ALMS1: variants seen among roughly 807,000 people sequenced by gnomAD.
The protein encoded by ALMS1 is ALMS1 centrosome and basal body associated protein.
A neutral mutation model predicts 352.2 loss-of-function variants in ALMS1; 271 were observed. The observed-to-expected ratio is 0.77, with a 90% CI of 0.70 to 0.85. ALMS1 has a LOEUF of 0.85. Among genes scored for constraint, ALMS1 ranks in the 40% least tolerant of loss-of-function variants. ALMS1 has a pLI of 0.00. For synonymous variants in ALMS1, 1,865 were observed against 1,761.2 expected, an observed-to-expected ratio of 1.06 and a Z score of -1.48; for missense variants, 5,445 against 4,870.7, an observed-to-expected ratio of 1.12 and a Z score of -3.51.
At chr2:73,590,585 C>T (rs1480773661) in intron 16 of ALMS1, among the ~76,000 whole-genome samples, 1 of 151,242 alleles carries the variant, frequency 6.6e-6, no homozygotes, top group Non-Finnish European at 1.5e-5. Flanking sequence ...TATCCTTTGC[C>T]TGTTTTTCTC....
chr2:73,398,299 A>G (rs955778037), intron 1 of ALMS1, among the ~76,000 whole-genome samples: 3 of 152,130 alleles, frequency 2.0e-5, no homozygotes, highest in African/African-American at 7.2e-5. Context: ...ATACATTTAT[A>G]TGGGTCTATT....
At chr2:73,528,306 A>T (rs192124034) in intron 11 of ALMS1, among the ~76,000 whole-genome samples, 8 of 152,282 alleles carry the variant, frequency 5.3e-5, no homozygotes, top group African/African-American at 1.9e-4. Context: ...GATCTGTCCA[A>T]TACTGAAAGC....
At chr2:73,436,919 G>T (rs914720844) in intron 7 of ALMS1, among the ~76,000 whole-genome samples, 3 of 152,136 alleles carry the variant, frequency 2.0e-5, no homozygotes, top group African/African-American at 7.2e-5. Flanking sequence ...CCCTGTGAAG[G>T]GGTCACACTT....
chr2:73,407,859 ATCTT>A, intron 1 of ALMS1, among the ~76,000 whole-genome samples: 2 of 152,226 alleles, frequency 1.3e-5, no homozygotes, highest in South Asian at 4.1e-4. Context: ...TGCACCTTGT[ATCTT>A]TCTTTGTCTG....
In ALMS1 at chr2:73,491,121, G is replaced by A. The variant is rs1268306031; in HGVS notation, c.9162G>A (p.Lys3054=). 6.2e-7 allele frequency: 1 copy of A among 1,614,152 alleles called. No individual in the cohort carries two copies. The highest frequency in any genetic ancestry group is 1.1e-5 in the South Asian group (1 of 91,066). ...LSCVHITLCP[K]TSSKLDSGTL... ...GTGTTCATATAACTCTTTGTCCCAA[G>A]ACTTCTTCCAAGTTGGATAGTGGAA... Residue 3054 remains lysine, a synonymous_variant, in exon 10 of 23, where the codon AAG becomes AAA. Transcript: ENST00000613296.
In ALMS1 at chr2:73,449,253, C is replaced by T. The variant is rs746640196; in HGVS notation, c.2726C>T (p.Ser909Leu). The T allele has an allele frequency of 1.5e-5, 24 of 1,613,990 alleles. 2 individuals carry two copies. The South Asian group carries it at 2.4e-4, about 16-fold the overall frequency. ...CCCTCAGCACCATCTAGTTTCTACTCACACAGAGAGAAGCCCATTATTTTT... is the reference window on the plus strand; with the variant it reads ...CCCTCAGCACCATCTAGTTTCTACTTACACAGAGAGAAGCCCATTATTTTT... ...GIPSAPSSFY[S>L]HREKPIIFSQ... is the part of the protein sequence containing the mutation. Residue 909 changes from serine to leucine, a missense_variant, in exon 8 of 23, where the codon TCA (serine) becomes TTA (leucine). Coordinates refer to ENST00000613296, the MANE Select transcript of ALMS1 (RefSeq NM_001378454.1).
chr2:73,516,938 C>T (rs923853949), intron 10 of ALMS1, among the ~76,000 whole-genome samples: 3 of 152,048 alleles, frequency 2.0e-5, no homozygotes, highest in Admixed American at 6.6e-5. Flanking sequence ...AGGAGGAGAG[C>T]TGATGTGTGT....
At chr2:73,534,730 T>C (rs1272558574) in intron 11 of ALMS1, 94 bp from the exon 12 acceptor site, 1 of 1,397,718 alleles carries the variant, frequency 7.2e-7, no homozygotes, top group East Asian at 2.3e-5. Flanking sequence ...CCAAAAGTCA[T>C]GAACACTGCC....
chr2:73,469,332 A>G (rs573712112), intron 9 of ALMS1, among the ~76,000 whole-genome samples: 1 of 152,088 alleles, frequency 6.6e-6, no homozygotes, highest in East Asian at 1.9e-4. Context: ...GAGCATTAAA[A>G]TCTAGATTTG....
At chr2:73,423,247 C>G (rs1176408742) in intron 4 of ALMS1, among the ~76,000 whole-genome samples, 2 of 152,160 alleles carry the variant, frequency 1.3e-5, no homozygotes, top group Non-Finnish European at 2.9e-5. Context: ...AGAAGACACA[C>G]TGGATTTTCC....
chr2:73,601,339 G>C lies in ALMS1; in HGVS notation c.12017G>C (p.Cys4006Ser). ...AGGGAGCCACTGCGGGAGCAGAACT[G>C]TCAGGGGCAGCACCTGGACGGTCGG... Reference protein sequence around the residue: ...PWREPLREQNCQGQHLDGRGY... With the variant: ...PWREPLREQNSQGQHLDGRGY... Residue 4006 changes from cysteine to serine, a missense_variant, in exon 19 of 23, where the codon TGT (cysteine) becomes TCT (serine). Coordinates refer to ENST00000613296, the MANE Select transcript of ALMS1 (RefSeq NM_001378454.1). 2 of 1,614,212 alleles carry C rather than the reference G, an allele frequency of 1.2e-6. No individual in the cohort carries two copies. Among genetic ancestry groups the C allele is most frequent in the South Asian group, 2.2e-5 (2 of 91,086 alleles).
chr2:73,418,085 T>C lies in ALMS1; in HGVS notation c.451-1038T>C, dbSNP rs184160953. 1.0e-3 allele frequency among the ~76,000 whole-genome samples: 154 copies of C among 152,332 alleles called. 1 individual carries two copies. The Middle Eastern group carries it at 0.041, about 40-fold the overall frequency. Reference sequence around the variant, plus strand: ...TGTGTTTTATATCTTGGGCTTATAGTAAGACTTTTAATTTCATTTTTCTAG... The same window carrying C: ...TGTGTTTTATATCTTGGGCTTATAGCAAGACTTTTAATTTCATTTTTCTAG... On this transcript the variant is annotated intron_variant, in intron 2 of 22. Coordinates refer to ENST00000613296, the MANE Select transcript of ALMS1 (RefSeq NM_001378454.1).
intron 2 of ALMS1, among the ~76,000 whole-genome samples, chr2:73,415,212 AAC>A (rs201933391): frequency 0.01 from 1,583 of 152,338 alleles, 40 homozygotes; most frequent in African/African-American, 0.036. Flanking sequence ...TAAAAGGTAT[AAC>A]ACAAAGAATA....
chr2:73,567,883 A>G (rs1674835000), intron 15 of ALMS1, among the ~76,000 whole-genome samples: 2 of 152,206 alleles, frequency 1.3e-5, no homozygotes, highest in Non-Finnish European at 1.5e-5. Context: ...TGATAAATGT[A>G]TATATTAAAA....
At chr2:73,534,194 A>G (rs1673979904) in intron 11 of ALMS1, among the ~76,000 whole-genome samples, 1 of 152,188 alleles carries the variant, frequency 6.6e-6, no homozygotes, top group Admixed American at 6.5e-5. Context: ...AAAGATGGGT[A>G]AGTTATACAT....
intron 9 of ALMS1, among the ~76,000 whole-genome samples, chr2:73,472,106 T>G (rs1558659526): frequency 6.6e-6 from 1 of 152,058 alleles, no homozygotes; most frequent in Non-Finnish European, 1.5e-5. Context: ...GGACAAATAC[T>G]GAATGATTTC....
intron 1 of ALMS1, among the ~76,000 whole-genome samples, chr2:73,405,477 CTCAG>C (rs1041259803): frequency 1.3e-5 from 2 of 150,602 alleles, no homozygotes; most frequent in Admixed American, 6.6e-5. Flanking sequence ...CTTTTTTTTT[CTCAG>C]TCAGTCTAGC....
chr2:73,506,945 A>G (rs150368461), intron 10 of ALMS1, among the ~76,000 whole-genome samples: 5 of 152,318 alleles, frequency 3.3e-5, no homozygotes, highest in Non-Finnish European at 7.4e-5. Context: ...TTTTTGAGAC[A>G]TGTTCCATCA....
intron 7 of ALMS1, among the ~76,000 whole-genome samples, chr2:73,433,646 G>T (rs1037714329): frequency 6.6e-6 from 1 of 152,090 alleles, no homozygotes; most frequent in Non-Finnish European, 1.5e-5. Flanking sequence ...TGTAATCTCA[G>T]TACTTTGGGA....
Sources: gnomAD v4.1 joint callset for allele counts (sites outside exome capture counted in the v4.1 genomes callset) on GRCh38, gnomAD v4.1.1 for gene constraint, MANE v1.5 for transcripts, NCBI Gene and HGNC (gene_info 2026-07-23, HGNC 2026-07-21) for gene names.